TTC7A: variants seen among roughly 807,000 people sequenced by gnomAD.
TTC7A encodes tetratricopeptide repeat domain 7A.
Under a neutral mutation model 103.7 loss-of-function variants are expected in TTC7A, and 110 were observed. The observed-to-expected ratio is 1.06, with a 90% CI of 0.91 to 1.24. The LOEUF is 1.24. Among genes scored for constraint, TTC7A ranks in the 50% most tolerant of loss-of-function variants. TTC7A has a pLI of 0.00. For missense variants in TTC7A, 1,340 were observed against 1,116.3 expected (o/e 1.20, Z -2.86); for synonymous variants, 521 against 467.9 (o/e 1.11, Z -1.47).
chr2:47,039,618 C>T (rs975046893), intron 15 of TTC7A, among the ~76,000 whole-genome samples: 1 of 152,198 alleles, frequency 6.6e-6, no homozygotes, highest in African/African-American at 2.4e-5. Context: ...CCTAAGAGCT[C>T]TTTATAGCAG....
At chr2:47,018,381 G>C (rs1428894692) in intron 11 of TTC7A, among the ~76,000 whole-genome samples, 1 of 151,484 alleles carries the variant, frequency 6.6e-6, no homozygotes, top group East Asian at 1.9e-4. Context: ...TCAGGAGTTC[G>C]AGACCACCCA....
intron 9 of TTC7A, 73 bp from the exon 10 acceptor site, chr2:47,006,568 A>C: frequency 1.5e-6 from 2 of 1,360,362 alleles, no homozygotes; most frequent in South Asian, 2.3e-5. Flanking sequence ...GGCAGTAACT[A>C]CCCTGGAAGG....
At chr2:47,019,549 G>A (rs546304771) in intron 11 of TTC7A, among the ~76,000 whole-genome samples, 81 of 152,292 alleles carry the variant, frequency 5.3e-4, no homozygotes, top group African/African-American at 1.9e-3. Context: ...TAATCTCGGG[G>A]TCAGAGTGGA....
intron 11 of TTC7A, among the ~76,000 whole-genome samples, chr2:47,012,111 C>T (rs907087679): frequency 2.6e-5 from 4 of 152,226 alleles, no homozygotes; most frequent in Non-Finnish European, 5.9e-5. Flanking sequence ...CCAGGTCCCC[C>T]GCCTTGCTGT....
chr2:47,067,925 C>T (rs1181476858), intron 19 of TTC7A: 1 of 152,206 alleles, frequency 6.6e-6, no homozygotes, highest in Admixed American at 6.5e-5. Context: ...ACTCCGTCCT[C>T]TCTGAGTCCA....
At chr2:46,983,457 G>T (rs1674684496) in intron 5 of TTC7A, among the ~76,000 whole-genome samples, 1 of 152,232 alleles carries the variant, frequency 6.6e-6, no homozygotes, top group South Asian at 2.1e-4. Flanking sequence ...GCTGCTGCTT[G>T]GAGCGCCCTT....
At chr2:46,991,167 C>T (rs974985931) in intron 5 of TTC7A, among the ~76,000 whole-genome samples, 30 of 152,026 alleles carry the variant, frequency 2.0e-4, no homozygotes, top group Non-Finnish European at 3.2e-4. Flanking sequence ...CCGCCAGCCT[C>T]GGCCTCCCAA....
At chr2:46,947,787 A>T (rs990281282) in intron 1 of TTC7A, among the ~76,000 whole-genome samples, 7 of 152,244 alleles carry the variant, frequency 4.6e-5, no homozygotes, top group African/African-American at 9.6e-5. Context: ...GAAAAATAAA[A>T]GAAAAATACA....
chr2:46,992,609 G>A (rs1675746047), intron 5 of TTC7A, among the ~76,000 whole-genome samples: 1 of 152,216 alleles, frequency 6.6e-6, no homozygotes, highest in African/African-American at 2.4e-5. Flanking sequence ...GTGAGCCCTG[G>A]GGCCACTGTA....
exon 1 of TTC7A, chr2:46,916,303 G>C: frequency 2.2e-6 from 1 of 458,364 alleles, no homozygotes; most frequent in Non-Finnish European, 2.9e-6. Flanking sequence ...AGATTGGCCT[G>C]CTTCCAGCGT....
At chr2:46,928,459 T>TTAA in intron 2 of TTC7A, among the ~76,000 whole-genome samples, 1 of 81,976 alleles carries the variant, frequency 1.2e-5, no homozygotes. Flanking sequence ...AAAGGGAAAT[T>TTAA]AAAAAAAAAA....
chr2:47,034,715 C>G (rs1297932867), intron 15 of TTC7A, among the ~76,000 whole-genome samples: 1 of 152,202 alleles, frequency 6.6e-6, no homozygotes, highest in Non-Finnish European at 1.5e-5. Flanking sequence ...TCCCCTTCCC[C>G]TCTCCACAGT....
intron 5 of TTC7A, among the ~76,000 whole-genome samples, chr2:46,982,954 CA>C: frequency 6.6e-6 from 1 of 151,674 alleles, no homozygotes; most frequent in South Asian, 2.1e-4. Flanking sequence ...GCCAACAGAG[CA>C]AGACCCTCTC....
chr2:47,045,616 C>T (rs1682232112), intron 15 of TTC7A: 1 of 152,286 alleles, frequency 6.6e-6, no homozygotes, highest in African/African-American at 2.4e-5. Flanking sequence ...TTTCACGTCA[C>T]TTTAATCCTA....
intron 19 of TTC7A, 151 bp from the exon 20 acceptor site, chr2:47,073,551 G>C (rs1168862007): frequency 8.9e-6 from 6 of 671,798 alleles, no homozygotes; most frequent in African/African-American, 5.4e-5. Flanking sequence ...ATGGGGAAAG[G>C]CACAGTCACT....
intron 14 of TTC7A, among the ~76,000 whole-genome samples, chr2:47,027,770 G>A (rs1680074588): frequency 6.6e-6 from 1 of 152,210 alleles, no homozygotes; most frequent in South Asian, 2.1e-4. Flanking sequence ...ACTCTGGGGT[G>A]TTTTGTAGAG....
chr2:47,026,934 G>A (rs1679983674), intron 14 of TTC7A, among the ~76,000 whole-genome samples: 2 of 152,298 alleles, frequency 1.3e-5, no homozygotes, highest in African/African-American at 4.8e-5. Flanking sequence ...GCAGGAGAGG[G>A]TGTTTATCTG....
intron 8 of TTC7A, among the ~76,000 whole-genome samples, chr2:46,995,457 C>T (rs1676085859): frequency 6.6e-6 from 1 of 152,224 alleles, no homozygotes; most frequent in Non-Finnish European, 1.5e-5. Flanking sequence ...AGTCCCCACC[C>T]ACCTCTTTTG....
chr2:47,044,521 G>T (rs1682100849), intron 15 of TTC7A, among the ~76,000 whole-genome samples: 1 of 152,182 alleles, frequency 6.6e-6, no homozygotes. Flanking sequence ...TGCAGTCCAT[G>T]CTAGGGGGAT....
Sources: gnomAD v4.1 joint callset for allele counts (sites outside exome capture counted in the v4.1 genomes callset) on GRCh38, gnomAD v4.1.1 for gene constraint, MANE v1.5 for transcripts, NCBI Gene and HGNC (gene_info 2026-07-23, HGNC 2026-07-21) for gene names.